Variants in OSBPL7 observed in about 807,000 individuals in gnomAD.
The protein encoded by OSBPL7 is oxysterol binding protein like 7.
In OSBPL7, 66 loss-of-function variants were observed where a neutral mutation model predicts 115.8. The ratio of observed to expected loss-of-function variants is 0.57; its 90% CI spans 0.47 to 0.70. The LOEUF (loss-of-function observed/expected upper bound fraction) is 0.70, where lower values mean the gene tolerates loss of function less well. Ranked by LOEUF, OSBPL7 falls within the 30% of genes least tolerant of loss-of-function variation. The pLI, the probability that OSBPL7 is intolerant of heterozygous loss-of-function variation, is 0.00. For missense variants in OSBPL7, 902 were observed against 1,125.5 expected, an observed-to-expected ratio of 0.80 and a Z score of 2.84; for synonymous variants, 441 against 439.2, an observed-to-expected ratio of 1.00 and a Z score of -0.05.
At chr17:47,819,935 C>T (rs1274798941) in intron 3 of OSBPL7, 36 bp downstream of exon 3, 2 of 1,590,294 alleles carry the variant, frequency 1.3e-6, no homozygotes, top group Admixed American at 1.7e-5. Context: ...ACCCCGCCCC[C>T]CATGTCTGGA....
At position 47,813,696 on chromosome 17, in the gene OSBPL7, G is replaced by A; in HGVS notation, c.1490C>T (p.Pro497Leu). The A allele has an allele frequency of 6.2e-7, 1 of 1,613,426 alleles. No homozygotes were observed. The highest frequency in any genetic ancestry group is 1.1e-5 in the South Asian group (1 of 91,090). Reference protein sequence around the residue: ...IGKDLSKVSMPVQLNEPLNTL... With the variant: ...IGKDLSKVSMLVQLNEPLNTL... ...GTTGAGCGGCTCGTTGAGCTGCACA[G>A]GCATTGACACCTTGGACAGGTCTTT... The change falls in exon 15 of 23, where the codon CCT (proline) becomes CTT (leucine). Residue 497 changes from proline to leucine, a missense_variant. By Grantham distance (98) the Pro-to-Leu change is moderately conservative (BLOSUM62 -3). Coordinates refer to ENST00000007414, the MANE Select transcript of OSBPL7 (RefSeq NM_145798.3).
At position 47,816,890 on chromosome 17, in the gene OSBPL7, G is replaced by A. The variant is rs2143550183; in HGVS notation, c.703-18C>T. The A allele has an allele frequency of 6.2e-7, 1 of 1,612,802 alleles. No individual in the cohort carries two copies. The highest frequency in any genetic ancestry group is 8.5e-7 in the Non-Finnish European group (1 of 1,179,114). On this transcript the variant is annotated intron_variant, in intron 8 of 22. Transcript: ENST00000007414. The surrounding 1 kb of genome is among the most constrained non-coding windows in gnomAD (Gnocchi z 5.8). ...ACTGAGGCCTGGCAAGTCAAGGTGGGGGCAATTTTACTCACAGGGTGGGGA... is the reference window on the plus strand; with the variant it reads ...ACTGAGGCCTGGCAAGTCAAGGTGGAGGCAATTTTACTCACAGGGTGGGGA...
chr17:47,813,531 G>A (rs1188566561), intron 15 of OSBPL7, 56 bp downstream of exon 15: 2 of 1,586,820 alleles, frequency 1.3e-6, no homozygotes, highest in Non-Finnish European at 8.6e-7. Context: ...TGGGAGAAAA[G>A]ATCCCAGGGA....
intron 13 of OSBPL7, 162 bp downstream of exon 13, chr17:47,815,053 T>C: frequency 1.1e-6 from 1 of 945,068 alleles, no homozygotes; most frequent in Non-Finnish European, 1.6e-6. Context: ...CAGAGATTTC[T>C]GAGCTGGGCC....
chr17:47,819,133 C>A (rs758749154), intron 4 of OSBPL7, 34 bp from the exon 5 acceptor site: 8 of 1,577,418 alleles, frequency 5.1e-6, no homozygotes, highest in Non-Finnish European at 7.0e-6. Context: ...GGAGAGGGGA[C>A]CTGTTTTAGG....
In OSBPL7 at chr17:47,820,025, C is replaced by T. The variant is rs150347411; in HGVS notation, c.147G>A (p.Arg49=). The T allele has an allele frequency of 4.3e-6, 7 of 1,611,294 alleles. No homozygotes were observed. The highest frequency in any genetic ancestry group is 5.9e-6 in the Non-Finnish European group (7 of 1,179,550). Residue 49 remains arginine, a synonymous_variant, in exon 3 of 23, where the codon AGG becomes AGA. Transcript: ENST00000007414. The part of the protein sequence containing the change: ...RLGTEGVMPE[R]QEGHLLKKRK... ...TCTTCTTGAGCAGGTGACCTTCCTG[C>T]CTCTCAGGCATGACACCCTCTGTCC... is the stretch of plus-strand genomic sequence containing the variant.
chr17:47,808,261 AACC>A lies in OSBPL7; in HGVS notation c.*27_*29del. 1 of 1,528,438 alleles carries A rather than the reference AACC, an allele frequency of 6.5e-7. No individual in the cohort carries two copies. Among genetic ancestry groups the A allele is most frequent in the Non-Finnish European group, 9.0e-7 (1 of 1,105,260 alleles). 94.7% of individuals were successfully genotyped at this position (1,528,438 alleles called of 1,614,324 possible). On this transcript the variant is annotated 3_prime_UTR_variant, in exon 23 of 23. Coordinates refer to ENST00000007414, the MANE Select transcript of OSBPL7 (RefSeq NM_145798.3). This position sits in a 1 kb window ranked among gnomAD's most constrained non-coding sequence, Gnocchi z 6.1. ...GGGGGTGGAGGCAGGAGGAGTGAGGAACCAGAGCCTCCTGCCCCCGGGGCCAGG... is the reference window on the plus strand; with the variant it reads ...GGGGGTGGAGGCAGGAGGAGTGAGGAAGAGCCTCCTGCCCCCGGGGCCAGG...
Position 47,808,238 on chromosome 17 carries a change from G to C in OSBPL7, c.*53C>G. On this transcript the variant is annotated 3_prime_UTR_variant, in exon 23 of 23. Transcript: ENST00000007414. This position sits in a 1 kb window ranked among gnomAD's most constrained non-coding sequence, Gnocchi z 6.1. ...GCCTCACCCATGTGTCCATGGTAGG[G>C]GGTGGAGGCAGGAGGAGTGAGGAAC... is the stretch of plus-strand genomic sequence containing the variant. 1 of 1,374,866 alleles carries C rather than the reference G, an allele frequency of 7.3e-7. No homozygotes were observed. The highest frequency in any genetic ancestry group is 2.3e-5 in the East Asian group (1 of 43,228). The allele number at this position is 1,374,866 out of a possible 1,614,324, so 85.2% of individuals were successfully genotyped here. A position where few individuals can be genotyped will look rare whatever the true frequency, so the allele number is the denominator to read the frequency against.
At chr17:47,818,416 T>C in intron 6 of OSBPL7, 30 bp from the exon 7 acceptor site, 1 of 1,604,332 alleles carries the variant, frequency 6.2e-7, no homozygotes, top group Non-Finnish European at 8.5e-7. Context: ...TCAGGAAGGA[T>C]GATGCCCACC....
rs1263229850 is a variant in OSBPL7, at chr17:47,810,685, T to C, written c.1802-13A>G. The C allele has an allele frequency of 6.2e-7, 1 of 1,613,480 alleles. No homozygotes were observed. The highest frequency in any genetic ancestry group is 2.2e-5 in the East Asian group (1 of 44,900). On this transcript the variant is annotated splice_polypyrimidine_tract_variant and intron_variant, in intron 17 of 22. Transcript: ENST00000007414. ...TTCCACTTCATATCTGGAATTGGATTAGGGGAGGGAGAGTGAACAACAGAG... is the reference window on the plus strand; with the variant it reads ...TTCCACTTCATATCTGGAATTGGATCAGGGGAGGGAGAGTGAACAACAGAG...
In OSBPL7 at chr17:47,808,587, G is replaced by A. The variant is rs747157962; in HGVS notation, c.2371C>T (p.Arg791Cys). ...ATGTTGTTTTCCTCCATGACTTTGC[G>A]CCTGTCTCGCTGCAGCTGCTCGATC... The part of the protein sequence containing the change: ...RRIEQLQRDR[R>C]KVMEENNIVH... Residue 791 changes from arginine (R) to cysteine (C), a missense_variant, in exon 22 of 23, where the codon CGC becomes TGC. This residue lies in a region of OSBPL7 where 230 missense variants were observed against 312.7 expected (regional missense o/e 0.74). Transcript: ENST00000007414. This position sits in a 1 kb window ranked among gnomAD's most constrained non-coding sequence, Gnocchi z 6.1. The A allele has an allele frequency of 4.3e-6, 7 of 1,614,194 alleles. No homozygotes were observed. The highest frequency in any genetic ancestry group is 2.2e-5 in the South Asian group (2 of 91,090).
chr17:47,808,163 A>G lies in OSBPL7; in HGVS notation c.*128T>C. 3 of 684,224 alleles carry G rather than the reference A, an allele frequency of 4.4e-6. No individual in the cohort carries two copies. In the South Asian group the frequency reaches 5.3e-5, roughly 12 times the overall value. 42.4% of individuals were successfully genotyped at this position (684,224 alleles called of 1,614,324 possible). A position where few individuals can be genotyped will look rare whatever the true frequency, so the allele number is the denominator to read the frequency against. ...ACCCTCTGGCCAGCAGAGGGGAGGG[A>G]GGGCCAGGGCTGCCCCTTTGGTCTC... On this transcript the variant is annotated 3_prime_UTR_variant, in exon 23 of 23. Transcript: ENST00000007414. This position sits in a 1 kb window ranked among gnomAD's most constrained non-coding sequence, Gnocchi z 6.1.
chr17:47,816,070 G>A lies in OSBPL7; in HGVS notation c.1119+37C>T. On this transcript the variant is annotated intron_variant, in intron 12 of 22. Transcript: ENST00000007414. This position sits in a 1 kb window ranked among gnomAD's most constrained non-coding sequence, Gnocchi z 5.8. ...GGCTTTCGCTGGGAGAGAAGGCACAGGAGAATCGGCCCCCACAGCCCACCC... is the reference window on the plus strand; with the variant it reads ...GGCTTTCGCTGGGAGAGAAGGCACAAGAGAATCGGCCCCCACAGCCCACCC... The A allele has an allele frequency of 6.6e-7, 1 of 1,515,810 alleles. No homozygotes were observed. The highest frequency in any genetic ancestry group is 8.9e-7 in the Non-Finnish European group (1 of 1,123,290). The allele number at this position is 1,515,810 out of a possible 1,614,324, so 93.9% of individuals were successfully genotyped here.
rs753122557 is a variant in OSBPL7 at position 47,819,762 on chromosome 17, G to A, written c.222C>T (p.Asp74=). ...GGGTTGTTGCATAATGAAGGATCCC[G>A]TCCTCGAGCACAAAGTATCTCTGTG... ...GWHKRYFVLE[D]GILHYATTRQ... is the part of the protein sequence containing the mutation. Residue 74 remains aspartate, a synonymous_variant, in exon 4 of 23, where the codon GAC becomes GAT. Transcript: ENST00000007414. 6 of 1,614,146 alleles carry A rather than the reference G, an allele frequency of 3.7e-6. No individual in the cohort carries two copies. Among genetic ancestry groups the A allele is most frequent in the South Asian group, 3.3e-5 (3 of 91,088 alleles).
chr17:47,809,194 G>A lies in OSBPL7; in HGVS notation c.2052C>T (p.His684=), dbSNP rs780787735. ...CKAKYWSSNV[H]EVQGAVLSRS... ...GACTGAGCACAGCGCCCTGCACCTCGTGGACATTGGAACTCCAGTACTTGG... is the reference window on the plus strand; with the variant it reads ...GACTGAGCACAGCGCCCTGCACCTCATGGACATTGGAACTCCAGTACTTGG... Residue 684 remains histidine (H), a synonymous_variant, in exon 20 of 23, where the codon CAC becomes CAT. Coordinates refer to ENST00000007414, the MANE Select transcript of OSBPL7 (RefSeq NM_145798.3). 24 of 1,614,152 alleles carry A rather than the reference G, an allele frequency of 1.5e-5. No individual in the cohort carries two copies. Among genetic ancestry groups the A allele is most frequent in the Non-Finnish European group, 1.8e-5 (21 of 1,180,034 alleles).
chr17:47,808,543 G>A lies in OSBPL7; in HGVS notation c.2415C>T (p.Phe805=), dbSNP rs2032930680. 6.2e-7 allele frequency: 1 copy of A among 1,614,208 alleles called. No homozygotes were observed. The highest frequency in any genetic ancestry group is 2.2e-5 in the East Asian group (1 of 44,876). Reference sequence around the variant, plus strand: ...GGAGGGCGAGGCCGAGGCACCTGAAGAAGCGAGCCTGGTGTACGATGTTGT... The same window carrying A: ...GGAGGGCGAGGCCGAGGCACCTGAAAAAGCGAGCCTGGTGTACGATGTTGT... The part of the protein sequence containing the change: ...EENNIVHQAR[F]FRRQTDSSGK... Residue 805 remains phenylalanine, a synonymous_variant, in exon 22 of 23, where the codon TTC becomes TTT. Coordinates refer to ENST00000007414, the MANE Select transcript of OSBPL7 (RefSeq NM_145798.3). The surrounding 1 kb of genome is among the most constrained non-coding windows in gnomAD (Gnocchi z 6.1).
Position 47,808,614 on chromosome 17 carries a change from T to G in OSBPL7, c.2344A>C (p.Arg782=), listed in dbSNP as rs1197778134. 6.2e-7 allele frequency: 1 copy of G among 1,614,082 alleles called. No homozygotes were observed. The highest frequency in any genetic ancestry group is 8.5e-7 in the Non-Finnish European group (1 of 1,180,034). The change falls in exon 22 of 23, where the codon AGG becomes CGG. Residue 782 remains arginine, a synonymous_variant. Coordinates refer to ENST00000007414, the MANE Select transcript of OSBPL7 (RefSeq NM_145798.3). The surrounding 1 kb of genome is among the most constrained non-coding windows in gnomAD (Gnocchi z 6.1). ...CTGTCTCGCTGCAGCTGCTCGATCCTTCTCTTCTGGGCCTCAGCGGCCTGT... is the reference window on the plus strand; with the variant it reads ...CTGTCTCGCTGCAGCTGCTCGATCCGTCTCTTCTGGGCCTCAGCGGCCTGT... ...NIQAAEAQKR[R]IEQLQRDRRK... is the part of the protein sequence containing the mutation.
At chr17:47,815,114 G>C (rs141763665) in intron 13 of OSBPL7, 101 bp downstream of exon 13, 13 of 1,443,502 alleles carry the variant, frequency 9.0e-6, no homozygotes, top group African/African-American at 2.8e-5. Context: ...AGCTGAGGTG[G>C]TGAGAAGGGG....
intron 15 of OSBPL7, 28 bp from the exon 16 acceptor site, chr17:47,813,431 AC>A (rs754964025): frequency 1.9e-6 from 3 of 1,613,096 alleles, no homozygotes; most frequent in Non-Finnish European, 2.5e-6. Flanking sequence ...GGTGCAGGGT[AC>A]TGAGGACGGG....
Sources: allele counts gnomAD v4.1 joint callset, GRCh38; gene constraint gnomAD v4.1.1; regional missense constraint gnomAD v4.1.1; non-coding constraint Gnocchi (gnomAD v3.1); transcripts MANE v1.5; gene names NCBI Gene and HGNC (gene_info 2026-07-23, HGNC 2026-07-21).